Variants in GOLM2 observed in about 807,000 individuals in gnomAD.
GOLM2 encodes the protein protein GOLM2.
Under a neutral mutation model 55.9 loss-of-function variants are expected in GOLM2, and 26 were observed. That is an observed-to-expected ratio of 0.47 (90% CI 0.34 to 0.65). The LOEUF is 0.65. Among genes scored for constraint, GOLM2 ranks in the 30% least tolerant of loss-of-function variants. The pLI is 0.01. For synonymous variants in GOLM2, 165 were observed against 194.6 expected, an observed-to-expected ratio of 0.85 and a Z score of 1.27; for missense variants, 486 against 531.8, an observed-to-expected ratio of 0.91 and a Z score of 0.85.
intron 6 of GOLM2, among the ~76,000 whole-genome samples, chr15:44,362,161 C>A (rs1286241287): frequency 2.1e-4 from 32 of 148,906 alleles, no homozygotes; most frequent in Non-Finnish European, 4.2e-4. Context: ...TCTCACCACT[C>A]CTATTCAACA....
intron 1 of GOLM2, among the ~76,000 whole-genome samples, chr15:44,319,658 G>A (rs1485073486): frequency 1.3e-5 from 2 of 152,096 alleles, no homozygotes; most frequent in Non-Finnish European, 2.9e-5. Flanking sequence ...TGCAGTCACA[G>A]CTCACTGCAA....
rs573328416 is a variant in GOLM2 at position 44,291,043 on chromosome 15, TC to T, written c.327+1689del. 2.5e-3 allele frequency among the ~76,000 whole-genome samples: 377 copies of T among 151,820 alleles called. 3 individuals are homozygous for T. The highest frequency in any genetic ancestry group is 2.2e-3 in the Non-Finnish European group (151 of 67,924). Reference sequence around the variant, plus strand: ...GTCTTGAACTACCAACCTCAGGTGATCCGCCCGCCTCAGCCTCCCAAAGTGC... The same window carrying T: ...GTCTTGAACTACCAACCTCAGGTGATCGCCCGCCTCAGCCTCCCAAAGTGC... On this transcript the variant is annotated intron_variant, in intron 1 of 9. Coordinates refer to ENST00000299957, the MANE Select transcript of GOLM2 (RefSeq NM_138423.4).
chr15:44,296,637 C>T (rs1282500401), intron 1 of GOLM2, among the ~76,000 whole-genome samples: 2 of 152,192 alleles, frequency 1.3e-5, no homozygotes, highest in Non-Finnish European at 2.9e-5. Context: ...TCTACAGCTA[C>T]TTCCTTATTT....
intron 6 of GOLM2, among the ~76,000 whole-genome samples, chr15:44,378,063 T>A (rs1415784382): frequency 4.0e-5 from 6 of 148,270 alleles, no homozygotes; most frequent in Middle Eastern, 3.5e-3. Context: ...TTATTTATTT[T>A]TTTGAGACGG....
chr15:44,374,598 A>G (rs1394473593), intron 6 of GOLM2, among the ~76,000 whole-genome samples: 3 of 152,184 alleles, frequency 2.0e-5, no homozygotes, highest in African/African-American at 7.2e-5. Flanking sequence ...TCTGCTTCTG[A>G]GGAGGCCTCA....
chr15:44,402,851 C>G (rs1286189944), intron 8 of GOLM2, 36 bp from the exon 9 acceptor site: 1 of 1,607,672 alleles, frequency 6.2e-7, no homozygotes, highest in Non-Finnish European at 8.5e-7. Context: ...TTTCTTCTCT[C>G]TTTACTCTTG....
rs181066997 is a variant in GOLM2, at chr15:44,352,742, C to T, written c.802+14425C>T. On this transcript the variant is annotated intron_variant, in intron 6 of 9. Coordinates refer to ENST00000299957, the MANE Select transcript of GOLM2 (RefSeq NM_138423.4). The stretch of plus-strand genomic sequence containing the variant: ...CCAACATGGTGAAACCCCGTCTCTA[C>T]TAAAAATACAAAAATTACCTGGGCA... Among the ~76,000 whole-genome samples, 377 of 151,996 alleles carry T rather than the reference C, an allele frequency of 2.5e-3. 1 individual carries two copies. Among genetic ancestry groups the T allele is most frequent in the Admixed American group, 4.3e-3 (65 of 15,252 alleles).
At chr15:44,365,878 AAC>A (rs2141178354) in intron 6 of GOLM2, among the ~76,000 whole-genome samples, 1 of 152,306 alleles carries the variant, frequency 6.6e-6, no homozygotes, top group East Asian at 1.9e-4. Flanking sequence ...CATCAGTTTT[AAC>A]AAATGTACCA....
chr15:44,293,426 T>C (rs1382268637), intron 1 of GOLM2, among the ~76,000 whole-genome samples: 1 of 152,248 alleles, frequency 6.6e-6, no homozygotes, highest in Non-Finnish European at 1.5e-5. Context: ...CCTTTTTTAA[T>C]TCCAGGATCT....
At position 44,327,776 on chromosome 15, in the gene GOLM2, T is replaced by G. The variant is rs1217923894; in HGVS notation, c.383-909T>G. 2.6e-5 allele frequency among the ~76,000 whole-genome samples: 4 copies of G among 152,328 alleles called. No homozygotes were observed. In the East Asian group the frequency reaches 7.7e-4, roughly 29 times the overall value. On this transcript the variant is annotated intron_variant, in intron 2 of 9. Coordinates refer to ENST00000299957, the MANE Select transcript of GOLM2 (RefSeq NM_138423.4). The stretch of plus-strand genomic sequence containing the variant: ...ACATGTGTGGCTGGTGATTATGGAT[T>G]AAACATTTACAAACAAGTGTTTGGC...
Position 44,338,279 on chromosome 15 carries a change from A to G in GOLM2, c.764A>G (p.Glu255Gly). Reference sequence around the variant, plus strand: ...GGTGATGCAGGGATGCCTGGAATAGAAGAGAATGACCTAGCAAAAGTTGAT... The same window carrying G: ...GGTGATGCAGGGATGCCTGGAATAGGAGAGAATGACCTAGCAAAAGTTGAT... ...RGGDAGMPGI[E>G]ENDLAKVDDL... The change falls in exon 6 of 10, where the codon GAA (glutamate) becomes GGA (glycine). Residue 255 changes from glutamate to glycine, a missense_variant. Physicochemically the swap from Glu to Gly is moderately conservative, Grantham distance 98. Coordinates refer to ENST00000299957, the MANE Select transcript of GOLM2 (RefSeq NM_138423.4). 1 of 1,613,940 alleles carries G rather than the reference A, an allele frequency of 6.2e-7. No individual in the cohort carries two copies. Among genetic ancestry groups the G allele is most frequent in the South Asian group, 1.1e-5 (1 of 91,066 alleles).
chr15:44,323,058 C>T (rs1301574177), intron 2 of GOLM2, 39 bp downstream of exon 2: 11 of 1,303,058 alleles, frequency 8.4e-6, no homozygotes, highest in Non-Finnish European at 1.2e-5. Context: ...AAACCAAGGT[C>T]ACTAAATGCC....
At chr15:44,338,830 T>C (rs1555423100) in intron 6 of GOLM2, among the ~76,000 whole-genome samples, 1 of 152,186 alleles carries the variant, frequency 6.6e-6, no homozygotes, top group Non-Finnish European at 1.5e-5. Context: ...TTCTGTTCAT[T>C]GTATGTCTCT....
intron 8 of GOLM2, among the ~76,000 whole-genome samples, chr15:44,397,233 A>G (rs1477911553): frequency 6.6e-6 from 1 of 152,082 alleles, no homozygotes; most frequent in Non-Finnish European, 1.5e-5. Context: ...GAATCCCAGC[A>G]CTTTGGGAGG....
At chr15:44,362,667 T>C (rs2079250218) in intron 6 of GOLM2, among the ~76,000 whole-genome samples, 2 of 152,200 alleles carry the variant, frequency 1.3e-5, no homozygotes, top group Admixed American at 1.3e-4. Flanking sequence ...ACCAATGACT[T>C]TCTTCACAGA....
intron 4 of GOLM2, among the ~76,000 whole-genome samples, chr15:44,336,712 C>T (rs1029850116): frequency 2.6e-5 from 4 of 151,678 alleles, no homozygotes; most frequent in Admixed American, 1.3e-4. Flanking sequence ...GTCAGGAGAT[C>T]GAGACCATCC....
chr15:44,298,417 C>A (rs2078773322), intron 1 of GOLM2, among the ~76,000 whole-genome samples: 1 of 151,204 alleles, frequency 6.6e-6, no homozygotes. Flanking sequence ...GCACCCACCA[C>A]CATGGCCGGC....
At chr15:44,368,327 C>CTTTTTTTT (rs1567036912) in intron 6 of GOLM2, among the ~76,000 whole-genome samples, 8 of 121,480 alleles carry the variant, frequency 6.6e-5, no homozygotes, top group South Asian at 2.7e-4. Flanking sequence ...TTTTTTTGTA[C>CTTTTTTTT]TTTTATTAGA....
chr15:44,390,945 C>G (rs1321649506), intron 8 of GOLM2, among the ~76,000 whole-genome samples: 1 of 152,160 alleles, frequency 6.6e-6, no homozygotes, highest in Admixed American at 6.5e-5. Context: ...GGCCCCATCT[C>G]TTAATATCAC....
Sources: allele counts gnomAD v4.1 joint callset (sites outside exome capture counted in the v4.1 genomes callset), GRCh38; gene constraint gnomAD v4.1.1; transcripts MANE v1.5; gene names NCBI Gene and HGNC (gene_info 2026-07-23, HGNC 2026-07-21).